THEMIS: variants seen among roughly 807,000 people sequenced by gnomAD.
THEMIS encodes the protein thymocyte selection associated, also known as protein THEMIS.
THEMIS carries 37 observed loss-of-function variants against 52.6 expected under a neutral mutation model. The ratio of observed to expected loss-of-function variants is 0.70; its 90% CI spans 0.54 to 0.93. THEMIS has a LOEUF of 0.93. Among genes scored for constraint, THEMIS ranks in the 40% least tolerant of loss-of-function variants. THEMIS has a pLI of 0.00. For missense variants in THEMIS, 808 were observed against 763.1 expected (o/e 1.06, Z -0.69); for synonymous variants, 292 against 272.7 (o/e 1.07, Z -0.70).
upstream of THEMIS, among the ~76,000 whole-genome samples, chr6:127,902,397 C>T (rs547277728): frequency 1.9e-4 from 28 of 151,344 alleles, no homozygotes; most frequent in South Asian, 5.2e-3. Flanking sequence ...GGAATCTACA[C>T]GTTTTCTTTA....
intron 1 of THEMIS, among the ~76,000 whole-genome samples, chr6:127,861,820 G>GA (rs1004086529): frequency 1.6e-4 from 21 of 132,254 alleles, no homozygotes; most frequent in South Asian, 1.2e-3. Flanking sequence ...AGAAAGAAAA[G>GA]AAAAAAAAGA....
intron 4 of THEMIS, among the ~76,000 whole-genome samples, chr6:127,757,674 G>A (rs1380388576): frequency 3.3e-5 from 5 of 152,080 alleles, no homozygotes; most frequent in East Asian, 1.9e-4. Flanking sequence ...TAGTAGAGAC[G>A]GGGTTTCACC....
At chr6:127,818,326 A>G (rs1778206525) in intron 3 of THEMIS, among the ~76,000 whole-genome samples, 1 of 152,120 alleles carries the variant, frequency 6.6e-6, no homozygotes, top group Non-Finnish European at 1.5e-5. Context: ...ATACGACCAC[A>G]TCAACAGTGC....
intron 2 of THEMIS, among the ~76,000 whole-genome samples, chr6:127,849,890 AC>A (rs2114266523): frequency 6.6e-6 from 1 of 152,240 alleles, no homozygotes; most frequent in African/African-American, 2.4e-5. Context: ...AATAAATGGG[AC>A]CTAATTAAAC....
chr6:127,798,516 T>A (rs918471104), intron 4 of THEMIS, among the ~76,000 whole-genome samples: 2 of 152,220 alleles, frequency 1.3e-5, no homozygotes, highest in African/African-American at 2.4e-5. Context: ...TTTCATGAAC[T>A]ATGATCACAC....
At chr6:127,904,840 CTG>C (rs1781228105), upstream of THEMIS, among the ~76,000 whole-genome samples, 1 of 151,996 alleles carries the variant, frequency 6.6e-6, no homozygotes, top group African/African-American at 2.4e-5. Flanking sequence ...AATACAGTAA[CTG>C]AAATTAAAAA....
At chr6:127,896,928 C>A (rs963982559) in intron 1 of THEMIS, among the ~76,000 whole-genome samples, 2 of 151,182 alleles carry the variant, frequency 1.3e-5, no homozygotes, top group Admixed American at 1.3e-4. Flanking sequence ...ATTGCATATC[C>A]ACATTATTTA....
chr6:127,880,958 C>T (rs1376508087), intron 1 of THEMIS, among the ~76,000 whole-genome samples: 3 of 151,988 alleles, frequency 2.0e-5, no homozygotes, highest in South Asian at 2.1e-4. Context: ...TTAAAAGACG[C>T]GATGATTCCA....
At chr6:127,808,166 C>G (rs958319629) in intron 4 of THEMIS, among the ~76,000 whole-genome samples, 3 of 152,182 alleles carry the variant, frequency 2.0e-5, no homozygotes, top group African/African-American at 4.8e-5. Flanking sequence ...TTTCTGGTCC[C>G]AGCTGCAGTC....
intron 1 of THEMIS, among the ~76,000 whole-genome samples, chr6:127,897,143 T>C (rs1465324836): frequency 6.6e-6 from 1 of 151,228 alleles, no homozygotes; most frequent in Non-Finnish European, 1.5e-5. Context: ...TCAAACCATA[T>C]ACAAAAACAT....
chr6:127,726,434 T>G (rs1409032365), intron 4 of THEMIS, among the ~76,000 whole-genome samples: 1 of 152,124 alleles, frequency 6.6e-6, no homozygotes, highest in Non-Finnish European at 1.5e-5. Context: ...ATCTCACATA[T>G]CATATATCAA....
chr6:127,837,511 A>T (rs1286057931), intron 2 of THEMIS, among the ~76,000 whole-genome samples: 1 of 152,056 alleles, frequency 6.6e-6, no homozygotes, highest in Non-Finnish European at 1.5e-5. Flanking sequence ...TTTATATATG[A>T]GGAAATTGTT....
intron 3 of THEMIS, among the ~76,000 whole-genome samples, chr6:127,825,002 A>T (rs1778460420): frequency 6.6e-6 from 1 of 152,236 alleles, no homozygotes; most frequent in African/African-American, 2.4e-5. Context: ...TTTAAAAACA[A>T]GAACAGTGTA....
chr6:127,840,306 T>C (rs568239242), intron 2 of THEMIS, among the ~76,000 whole-genome samples: 4 of 152,268 alleles, frequency 2.6e-5, no homozygotes, highest in Middle Eastern at 3.4e-3. Context: ...TTATGGAATA[T>C]GCATGTGAGG....
At chr6:127,703,082 C>G (rs13211984), downstream of THEMIS, among the ~76,000 whole-genome samples, 4 of 99,682 alleles carry the variant, frequency 4.0e-5, no homozygotes, top group Admixed American at 5.8e-4. Context: ...GAGTCTCGCT[C>G]TGTCGCCCAG....
intron 4 of THEMIS, among the ~76,000 whole-genome samples, chr6:127,741,494 A>G (rs1398252344): frequency 6.6e-6 from 1 of 152,224 alleles, no homozygotes; most frequent in East Asian, 1.9e-4. Flanking sequence ...AAACCAAAGG[A>G]GGAGAATAAA....
chr6:127,819,778 T>C (rs956211057), intron 3 of THEMIS, among the ~76,000 whole-genome samples: 1 of 152,104 alleles, frequency 6.6e-6, no homozygotes, highest in Non-Finnish European at 1.5e-5. Flanking sequence ...TTGCAAGAAA[T>C]ATTTCTAAAA....
At position 127,813,086 on chromosome 6, in the gene THEMIS, A is replaced by T; in HGVS notation, c.1555T>A (p.Phe519Ile). 1 of 1,614,064 alleles carries T rather than the reference A, an allele frequency of 6.2e-7. No homozygotes were observed. The highest frequency in any genetic ancestry group is 2.2e-5 in the East Asian group (1 of 44,878). ...AGAAATGGTTCTGCATCCCTAGAGA[A>T]ATTACTAACTAACTGAACAGTCATA... ...LNMTVQLVSN[F>I]SRDAEPFLVR... Residue 519 changes from phenylalanine (F) to isoleucine (I), a missense_variant, in exon 4 of 6, where the codon TTC becomes ATC. By Grantham distance (21) the Phe-to-Ile change is conservative. Coordinates refer to ENST00000368248, the MANE Select transcript of THEMIS (RefSeq NM_001010923.3).
upstream of THEMIS, among the ~76,000 whole-genome samples, chr6:127,904,752 T>A (rs372608846): frequency 6.6e-6 from 1 of 152,144 alleles, no homozygotes; most frequent in Non-Finnish European, 1.5e-5. Context: ...TTGATAAACA[T>A]GTTCAAAACT....
Sources: allele counts gnomAD v4.1 joint callset (sites outside exome capture counted in the v4.1 genomes callset), GRCh38; gene constraint gnomAD v4.1.1; transcripts MANE v1.5; gene names NCBI Gene and HGNC (gene_info 2026-07-23, HGNC 2026-07-21).